The following OR52B2 variants were observed in gnomAD, a reference collection of about 807,000 sequenced individuals.
OR52B2 encodes olfactory receptor 52B2.
Under a neutral mutation model 12.8 loss-of-function variants are expected in OR52B2, and 16 were observed. The observed-to-expected ratio is 1.25, with a 90% CI of 0.85 to 1.90. The LOEUF (loss-of-function observed/expected upper bound fraction) is 1.90, where lower values mean the gene tolerates loss of function less well. Ranked by LOEUF, OR52B2 falls within the 40% of genes most tolerant of loss-of-function variation. The pLI is 0.00. For missense variants in OR52B2, 465 were observed against 407.8 expected (o/e 1.14, Z -1.21); for synonymous variants, 169 against 152.2 (o/e 1.11, Z -0.81).
Position 6,169,668 on chromosome 11 carries a change from T to A in OR52B2, c.659A>T (p.Tyr220Phe). Residue 220 changes from tyrosine to phenylalanine, a missense_variant, in exon 1 of 1, where the codon TAC becomes TTC. Transcript: ENST00000530810. ...ILDVILIAVS[Y>F]SLILRAVFRL... is the part of the protein sequence containing the mutation. The stretch of plus-strand genomic sequence containing the variant: ...AAACACTGCTCGGAGGATCAGTGAG[T>A]AAGACACAGCGATGAGGATAACATC... 1 of 1,613,604 alleles carries A rather than the reference T, an allele frequency of 6.2e-7. No homozygotes were observed. The highest frequency in any genetic ancestry group is 8.5e-7 in the Non-Finnish European group (1 of 1,179,848).
Position 6,169,520 on chromosome 11 carries a change from A to G in OR52B2, c.807T>C (p.Asn269=). 6.2e-7 allele frequency: 1 copy of G among 1,613,840 alleles called. No individual in the cohort carries two copies. Among genetic ancestry groups the G allele is most frequent in the African/African-American group, 1.3e-5 (1 of 74,932 alleles). ...FTLLTHHFGR[N]IPQHVHILLA... ...GCAAGATATGGACATGTTGAGGAATATTACGCCCAAAATGATGGGTCAATA... is the reference window on the plus strand; with the variant it reads ...GCAAGATATGGACATGTTGAGGAATGTTACGCCCAAAATGATGGGTCAATA... Residue 269 remains asparagine (N), a synonymous_variant, in exon 1 of 1, where the codon AAT becomes AAC. Coordinates refer to ENST00000530810, the MANE Select transcript of OR52B2 (RefSeq NM_001004052.1).
In OR52B2 at chr11:6,169,750, C is replaced by A; in HGVS notation, c.577G>T (p.Asp193Tyr). The change falls in exon 1 of 1, where the codon GAC becomes TAC. Residue 193 changes from aspartate (D) to tyrosine (Y), a missense_variant. Asp to Tyr is a radical substitution (Grantham distance 160). Coordinates refer to ENST00000530810, the MANE Select transcript of OR52B2 (RefSeq NM_001004052.1). ...CCATACCAAATGTTAACAGTGATGT[C>A]AGCACAGGCTAAACGAGCCACTCCA... ...HIGVARLACADITVNIWYGFS... is the reference protein window; with the variant it reads ...HIGVARLACAYITVNIWYGFS... The A allele has an allele frequency of 6.2e-7, 1 of 1,613,576 alleles. No homozygotes were observed. The highest frequency in any genetic ancestry group is 8.5e-7 in the Non-Finnish European group (1 of 1,179,818).
rs911898143 is a variant in OR52B2 at position 6,169,937 on chromosome 11, G to A, written c.390C>T (p.Ala130=). 2.5e-6 allele frequency: 4 copies of A among 1,613,588 alleles called. No homozygotes were observed. In the African/African-American group the frequency reaches 4.0e-5, roughly 16 times the overall value. ...MAFDRFVAIC[A]PLRYTTVLTW... Reference sequence around the variant, plus strand: ...TTAGCACTGTTGTATATCTCAGTGGGGCACAAATGGCCACAAAGCGATCAA... The same window carrying A: ...TTAGCACTGTTGTATATCTCAGTGGAGCACAAATGGCCACAAAGCGATCAA... Residue 130 remains alanine, a synonymous_variant, in exon 1 of 1, where the codon GCC becomes GCT. Coordinates refer to ENST00000530810, the MANE Select transcript of OR52B2 (RefSeq NM_001004052.1).
Position 6,170,290 on chromosome 11 carries a change from C to T in OR52B2, c.37G>A (p.Val13Ile), listed in dbSNP as rs1305690704. The T allele has an allele frequency of 3.1e-6, 5 of 1,609,942 alleles. No individual in the cohort carries two copies. The South Asian group carries it at 4.4e-5, about 14-fold the overall frequency. The change falls in exon 1 of 1, where the codon GTT becomes ATT. Residue 13 changes from valine (V) to isoleucine (I), a missense_variant. Physicochemically the swap from Val to Ile is conservative, Grantham distance 29. Coordinates refer to ENST00000530810, the MANE Select transcript of OR52B2 (RefSeq NM_001004052.1). ...HTNVTIFHPA[V>I]FVLPGIPGLE... ...CCAGGGATGCCAGGAAGGACAAAAACTGCAGGATGGAAGATGGTAACATTG... is the reference window on the plus strand; with the variant it reads ...CCAGGGATGCCAGGAAGGACAAAAATTGCAGGATGGAAGATGGTAACATTG...
chr11:6,169,946 G>A lies in OR52B2; in HGVS notation c.381C>T (p.Ala127=), dbSNP rs1846647444. The A allele has an allele frequency of 6.2e-7, 1 of 1,613,714 alleles. No homozygotes were observed. Among genetic ancestry groups the A allele is most frequent in the East Asian group, 2.2e-5 (1 of 44,868 alleles). ...LLAMAFDRFV[A]ICAPLRYTTV... ...TTGTATATCTCAGTGGGGCACAAAT[G>A]GCCACAAAGCGATCAAAGGCCATGG... is the stretch of plus-strand genomic sequence containing the variant. The change falls in exon 1 of 1, where the codon GCC becomes GCT. Residue 127 remains alanine, a synonymous_variant. Transcript: ENST00000530810.
chr11:6,169,711 T>C lies in OR52B2; in HGVS notation c.616A>G (p.Ile206Val), dbSNP rs745473851. 1 of 1,613,172 alleles carries C rather than the reference T, an allele frequency of 6.2e-7. No homozygotes were observed. The highest frequency in any genetic ancestry group is 8.5e-7 in the Non-Finnish European group (1 of 1,179,834). Residue 206 changes from isoleucine to valine, a missense_variant, in exon 1 of 1, where the codon ATT becomes GTT. Physicochemically the swap from Ile to Val is conservative, Grantham distance 29. Transcript: ENST00000530810. ...ATAACATCCAAGATGACCATGACAA[T>C]GGGCACTGAGAAGCCATACCAAATG... ...VNIWYGFSVP[I>V]VMVILDVILI...
chr11:6,169,525 G>C lies in OR52B2; in HGVS notation c.802C>G (p.Arg268Gly), dbSNP rs771301186. 1 of 1,613,728 alleles carries C rather than the reference G, an allele frequency of 6.2e-7. No homozygotes were observed. The highest frequency in any genetic ancestry group is 8.5e-7 in the Non-Finnish European group (1 of 1,179,850). ...ATATGGACATGTTGAGGAATATTAC[G>C]CCCAAAATGATGGGTCAATAAGGTA... ...FFTLLTHHFG[R>G]NIPQHVHILL... The change falls in exon 1 of 1, where the codon CGT (arginine) becomes GGT (glycine). Residue 268 changes from arginine to glycine, a missense_variant. Transcript: ENST00000530810.
Position 6,169,909 on chromosome 11 carries a change from A to G in OR52B2, c.418T>C (p.Trp140Arg). The change falls in exon 1 of 1, where the codon TGG (tryptophan) becomes CGG (arginine). Residue 140 changes from tryptophan to arginine, a missense_variant. By Grantham distance (101) the Trp-to-Arg change is moderately radical. Transcript: ENST00000530810. ...AGAGCAATCCTCCCCACAACAGGCC[A>G]TGTTAGCACTGTTGTATATCTCAGT... Reference protein sequence around the residue: ...APLRYTTVLTWPVVGRIALAV... With the variant: ...APLRYTTVLTRPVVGRIALAV... 1.2e-6 allele frequency: 2 copies of G among 1,613,772 alleles called. No homozygotes were observed. Among genetic ancestry groups the G allele is most frequent in the Non-Finnish European group, 1.7e-6 (2 of 1,179,862 alleles).
Position 6,169,681 on chromosome 11 carries a change from T to C in OR52B2, c.646A>G (p.Ile216Val), listed in dbSNP as rs371181385. The C allele has an allele frequency of 6.2e-7, 1 of 1,613,666 alleles. No individual in the cohort carries two copies. The highest frequency in any genetic ancestry group is 1.7e-5 in the Admixed American group (1 of 59,962). Reference sequence around the variant, plus strand: ...AGGATCAGTGAGTAAGACACAGCGATGAGGATAACATCCAAGATGACCATG... The same window carrying C: ...AGGATCAGTGAGTAAGACACAGCGACGAGGATAACATCCAAGATGACCATG... ...IVMVILDVIL[I>V]AVSYSLILRA... The change falls in exon 1 of 1, where the codon ATC becomes GTC. Residue 216 changes from isoleucine to valine, a missense_variant. By Grantham distance (29) the Ile-to-Val change is conservative. Transcript: ENST00000530810.
chr11:6,169,648 C>T lies in OR52B2; in HGVS notation c.679G>A (p.Val227Met), dbSNP rs1846642882. 1.2e-6 allele frequency: 2 copies of T among 1,613,710 alleles called. No individual in the cohort carries two copies. Among genetic ancestry groups the T allele is most frequent in the South Asian group, 1.1e-5 (1 of 91,088 alleles). Residue 227 changes from valine (V) to methionine (M), a missense_variant, in exon 1 of 1, where the codon GTG (valine) becomes ATG (methionine). Coordinates refer to ENST00000530810, the MANE Select transcript of OR52B2 (RefSeq NM_001004052.1). The stretch of plus-strand genomic sequence containing the variant: ...GCATCCTGGGAGGGCAAACGAAACA[C>T]TGCTCGGAGGATCAGTGAGTAAGAC... ...AVSYSLILRA[V>M]FRLPSQDARH...
chr11:6,169,885 G>A lies in OR52B2; in HGVS notation c.442C>T (p.Leu148=), dbSNP rs535403560. 6.2e-6 allele frequency: 10 copies of A among 1,613,762 alleles called. No individual in the cohort carries two copies. The South Asian group carries it at 6.6e-5, about 11-fold the overall frequency. ...CAGAAGCTTCGGGTGATGACGGCCAGAGCAATCCTCCCCACAACAGGCCAT... is the reference window on the plus strand; with the variant it reads ...CAGAAGCTTCGGGTGATGACGGCCAAAGCAATCCTCCCCACAACAGGCCAT... ...LTWPVVGRIA[L]AVITRSFCII... The change falls in exon 1 of 1, where the codon CTG becomes TTG. Residue 148 remains leucine (L), a synonymous_variant. Coordinates refer to ENST00000530810, the MANE Select transcript of OR52B2 (RefSeq NM_001004052.1).
rs1224930926 is a variant in OR52B2, at chr11:6,169,679, G to A, written c.648C>T (p.Ile216=). 6.8e-6 allele frequency: 11 copies of A among 1,613,640 alleles called. No homozygotes were observed. The highest frequency in any genetic ancestry group is 1.6e-4 in the Middle Eastern group (1 of 6,084). ...IVMVILDVIL[I]AVSYSLILRA... ...GGAGGATCAGTGAGTAAGACACAGC[G>A]ATGAGGATAACATCCAAGATGACCA... is the stretch of plus-strand genomic sequence containing the variant. Residue 216 remains isoleucine, a synonymous_variant, in exon 1 of 1, where the codon ATC becomes ATT. Transcript: ENST00000530810.
chr11:6,170,080 C>T lies in OR52B2; in HGVS notation c.247G>A (p.Ala83Thr), dbSNP rs1564844504. The T allele has an allele frequency of 6.2e-7, 1 of 1,613,756 alleles. No homozygotes were observed. The highest frequency in any genetic ancestry group is 8.5e-7 in the Non-Finnish European group (1 of 1,179,882). The change falls in exon 1 of 1, where the codon GCC becomes ACC. Residue 83 changes from alanine to threonine, a missense_variant. Coordinates refer to ENST00000530810, the MANE Select transcript of OR52B2 (RefSeq NM_001004052.1). ...GCTTGAAGCCAAAAGATGGCTAGGG[C>T]CTTGGGCACAGTGGTGGTAGACAGC... ...ILLSTTTVPK[A>T]LAIFWLQAHN...
At position 6,169,519 on chromosome 11, in the gene OR52B2, T is replaced by A. The variant is rs756281772; in HGVS notation, c.808A>T (p.Ile270Phe). 6.2e-7 allele frequency: 1 copy of A among 1,613,764 alleles called. No homozygotes were observed. Among genetic ancestry groups the A allele is most frequent in the East Asian group, 2.2e-5 (1 of 44,870 alleles). ...AGCAAGATATGGACATGTTGAGGAA[T>A]ATTACGCCCAAAATGATGGGTCAAT... is the stretch of plus-strand genomic sequence containing the variant. ...TLLTHHFGRN[I>F]PQHVHILLAN... Residue 270 changes from isoleucine (I) to phenylalanine (F), a missense_variant, in exon 1 of 1, where the codon ATT (isoleucine) becomes TTT (phenylalanine). Coordinates refer to ENST00000530810, the MANE Select transcript of OR52B2 (RefSeq NM_001004052.1).
chr11:6,169,972 C>G lies in OR52B2; in HGVS notation c.355G>C (p.Ala119Pro), dbSNP rs772268688. The G allele has an allele frequency of 1.2e-6, 2 of 1,613,724 alleles. No individual in the cohort carries two copies. The highest frequency in any genetic ancestry group is 2.2e-5 in the South Asian group (2 of 91,070). ...GCCACAAAGCGATCAAAGGCCATGG[C>G]TAACAGGATAGCTGACTCCCCCACA... ...MFVGESAILL[A>P]MAFDRFVAIC... The change falls in exon 1 of 1, where the codon GCC (alanine) becomes CCC (proline). Residue 119 changes from alanine to proline, a missense_variant. Ala to Pro is a conservative substitution (Grantham distance 27). Coordinates refer to ENST00000530810, the MANE Select transcript of OR52B2 (RefSeq NM_001004052.1).
Position 6,170,115 on chromosome 11 carries a change from A to T in OR52B2, c.212T>A (p.Met71Lys). 1 of 1,613,846 alleles carries T rather than the reference A, an allele frequency of 6.2e-7. No individual in the cohort carries two copies. Among genetic ancestry groups the T allele is most frequent in the Non-Finnish European group, 8.5e-7 (1 of 1,179,892 alleles). Residue 71 changes from methionine (M) to lysine (K), a missense_variant, in exon 1 of 1, where the codon ATG becomes AAG. Met to Lys is a moderately conservative substitution (Grantham distance 95). Transcript: ENST00000530810. ...MYFFLSMLAV[M>K]DILLSTTTVP... ...AGTGGTGGTAGACAGCAGGATGTCC[A>T]TGACGGCCAGCATTGAGAGGAAGAA...
Position 6,169,835 on chromosome 11 carries a change from C to G in OR52B2, c.492G>C (p.Leu164Phe), listed in dbSNP as rs756581278. The change falls in exon 1 of 1, where the codon TTG becomes TTC. Residue 164 changes from leucine to phenylalanine, a missense_variant. Transcript: ENST00000530810. ...SFCIIFPVIF[L>F]LKRLPFCLTN... is the part of the protein sequence containing the mutation. ...TTAGGCAGAAGGGCAGCCGCTTCAG[C>G]AAGAATATGACTGGGAAGATGATGC... 1 of 1,613,758 alleles carries G rather than the reference C, an allele frequency of 6.2e-7. No individual in the cohort carries two copies.
chr11:6,169,959 T>C lies in OR52B2; in HGVS notation c.368A>G (p.Asp123Gly). 6.2e-7 allele frequency: 1 copy of C among 1,613,630 alleles called. No homozygotes were observed. Among genetic ancestry groups the C allele is most frequent in the Non-Finnish European group, 8.5e-7 (1 of 1,179,864 alleles). Reference protein sequence around the residue: ...ESAILLAMAFDRFVAICAPLR... With the variant: ...ESAILLAMAFGRFVAICAPLR... ...TGGGGCACAAATGGCCACAAAGCGA[T>C]CAAAGGCCATGGCTAACAGGATAGC... Residue 123 changes from aspartate (D) to glycine (G), a missense_variant, in exon 1 of 1, where the codon GAT (aspartate) becomes GGT (glycine). Transcript: ENST00000530810.
chr11:6,169,900 C>G lies in OR52B2; in HGVS notation c.427G>C (p.Val143Leu). Residue 143 changes from valine to leucine, a missense_variant, in exon 1 of 1, where the codon GTG becomes CTG. Transcript: ENST00000530810. ...ATGACGGCCAGAGCAATCCTCCCCACAACAGGCCATGTTAGCACTGTTGTA... is the reference window on the plus strand; with the variant it reads ...ATGACGGCCAGAGCAATCCTCCCCAGAACAGGCCATGTTAGCACTGTTGTA... ...RYTTVLTWPV[V>L]GRIALAVITR... The G allele has an allele frequency of 6.2e-7, 1 of 1,613,782 alleles. No homozygotes were observed.
Sources: allele counts gnomAD v4.1 joint callset, GRCh38; gene constraint gnomAD v4.1.1; transcripts MANE v1.5; gene names NCBI Gene and HGNC (gene_info 2026-07-23, HGNC 2026-07-21).